Variants in DENND1A observed in about 807,000 individuals in gnomAD.
DENND1A encodes DENN domain containing 1A, also known as DENN domain-containing protein 1A.
In DENND1A, 51 loss-of-function variants were observed where a neutral mutation model predicts 113.7. That is an observed-to-expected ratio of 0.45 (90% confidence interval 0.36 to 0.57). The LOEUF (loss-of-function observed/expected upper bound fraction) is 0.57, where lower values mean the gene tolerates loss of function less well. DENND1A is among the 20% of genes least tolerant of loss of function. The pLI, the probability that DENND1A is intolerant of heterozygous loss-of-function variation, is 0.00. For missense variants in DENND1A, 1,258 were observed against 1,395.9 expected, an observed-to-expected ratio of 0.90 and a Z score of 1.57; for synonymous variants, 565 against 570.8, an observed-to-expected ratio of 0.99 and a Z score of 0.14.
Position 123,382,145 on chromosome 9 carries a change from CG to C in DENND1A, c.2499del (p.Ala835LeufsTer34). On this transcript the variant is annotated frameshift_variant, in exon 24 of 24. Coordinates refer to ENST00000394215, the MANE Select transcript of DENND1A (RefSeq NM_001352964.2). LOFTEE classifies it high-confidence loss of function. ...TELLQPLSPG[P>X]GAAGTSSDAL... ...GCGTCACTGCTCGTGCCTGCAGCCC[CG>C]GGGCCAGGGCTGAGCGGCTGGAGCA... The C allele has an allele frequency of 1.3e-6, 2 of 1,599,700 alleles. No homozygotes were observed. The highest frequency in any genetic ancestry group is 1.7e-6 in the Non-Finnish European group (2 of 1,174,076).
intron 13 of DENND1A, among the ~76,000 whole-genome samples, chr9:123,552,031 G>GAC (rs2057102827): frequency 6.9e-6 from 1 of 143,908 alleles, no homozygotes; most frequent in Non-Finnish European, 1.5e-5. Context: ...GAGAGAGAGA[G>GAC]AGAGAGACAG....
chr9:123,383,875 G>C lies in DENND1A; in HGVS notation c.1799C>G (p.Ala600Gly), dbSNP rs368054934. The C allele has an allele frequency of 1.2e-6, 2 of 1,612,706 alleles. No homozygotes were observed. The highest frequency in any genetic ancestry group is 1.1e-5 in the South Asian group (1 of 91,084). ...PYRTLRESDS[A>G]EGDEAESPEQ... ...TGGACTCTCTGCCTCGTCGCCTTCC[G>C]CGCTGTCTGACTCCCTGAGTGTCCG... is the stretch of plus-strand genomic sequence containing the variant. Residue 600 changes from alanine to glycine, a missense_variant, in exon 23 of 24, where the codon GCG becomes GGG. Transcript: ENST00000394215.
intron 2 of DENND1A, among the ~76,000 whole-genome samples, chr9:123,867,628 C>T (rs1845966860): frequency 6.6e-6 from 1 of 152,186 alleles, no homozygotes; most frequent in African/African-American, 2.4e-5. Context: ...GTTCTCCCTT[C>T]CTCCAGTAAT....
chr9:123,410,332 A>AG (rs895928444), intron 20 of DENND1A, among the ~76,000 whole-genome samples: 29 of 152,204 alleles, frequency 1.9e-4, no homozygotes, highest in African/African-American at 5.8e-4. Context: ...TCAGCCTAGA[A>AG]GGGGCCTCCT....
intron 13 of DENND1A, among the ~76,000 whole-genome samples, chr9:123,507,700 A>G (rs923235612): frequency 6.6e-6 from 1 of 151,226 alleles, no homozygotes; most frequent in Admixed American, 6.6e-5. Flanking sequence ...AAAAAAAAAA[A>G]GAAAATTAGC....
At chr9:123,880,068 A>G (rs1387727948) in intron 1 of DENND1A, among the ~76,000 whole-genome samples, 1 of 152,234 alleles carries the variant, frequency 6.6e-6, no homozygotes, top group African/African-American at 2.4e-5. Flanking sequence ...GCTGAAGTGC[A>G]GTGGCACAAT....
At chr9:123,812,763 T>C (rs561816043) in intron 2 of DENND1A, among the ~76,000 whole-genome samples, 1 of 152,334 alleles carries the variant, frequency 6.6e-6, no homozygotes, top group Non-Finnish European at 1.5e-5. Flanking sequence ...TTTCATCTAA[T>C]ATTTTTTGCC....
chr9:123,686,931 A>G (rs1387728959), intron 5 of DENND1A, among the ~76,000 whole-genome samples: 2 of 152,174 alleles, frequency 1.3e-5, no homozygotes, highest in African/African-American at 4.8e-5. Context: ...CTCTGCTTGA[A>G]TGTTATATCA....
intron 10 of DENND1A, among the ~76,000 whole-genome samples, chr9:123,621,434 C>A (rs2060959588): frequency 6.6e-6 from 1 of 152,124 alleles, no homozygotes; most frequent in South Asian, 2.1e-4. Flanking sequence ...TGATCCACCC[C>A]CTTGGCCTCC....
At chr9:123,813,650 C>T (rs562490993) in intron 2 of DENND1A, among the ~76,000 whole-genome samples, 9 of 152,108 alleles carry the variant, frequency 5.9e-5, no homozygotes, top group Non-Finnish European at 1.0e-4. Context: ...AAAAGATCTG[C>T]GTTCACAATT....
At chr9:123,438,421 C>A (rs2046680010) in intron 19 of DENND1A, among the ~76,000 whole-genome samples, 1 of 152,150 alleles carries the variant, frequency 6.6e-6, no homozygotes. Flanking sequence ...GTAGACCTTT[C>A]CAGAGAAAAT....
intron 13 of DENND1A, among the ~76,000 whole-genome samples, chr9:123,550,774 A>C (rs916050633): frequency 1.3e-5 from 2 of 152,234 alleles, no homozygotes; most frequent in African/African-American, 4.8e-5. Flanking sequence ...CTCTCTAGGA[A>C]GGAGGAATAT....
chr9:123,537,517 A>T (rs57969577), intron 13 of DENND1A, among the ~76,000 whole-genome samples: 24,572 of 151,846 alleles, frequency 0.16, 2,077 homozygotes, highest in Admixed American at 0.2. Context: ...TCAGAACCAA[A>T]GTTAATTCAA....
intron 2 of DENND1A, among the ~76,000 whole-genome samples, chr9:123,853,209 C>T (rs111268219): frequency 0.067 from 10,120 of 151,614 alleles, 462 homozygotes; most frequent in African/African-American, 0.13. Flanking sequence ...TGAGCCACCA[C>T]GCCCAGCCTT....
At chr9:123,607,081 G>A (rs2060187263) in intron 11 of DENND1A, among the ~76,000 whole-genome samples, 1 of 152,134 alleles carries the variant, frequency 6.6e-6, no homozygotes, top group Non-Finnish European at 1.5e-5. Context: ...GAGGCTGGAA[G>A]GCTCCTCCTC....
intron 13 of DENND1A, among the ~76,000 whole-genome samples, chr9:123,484,151 G>C (rs540715317): frequency 6.6e-6 from 1 of 152,292 alleles, no homozygotes; most frequent in African/African-American, 2.4e-5. Flanking sequence ...GCCATGGTGG[G>C]AAACTCTTGT....
intron 11 of DENND1A, among the ~76,000 whole-genome samples, chr9:123,602,838 TTTGTTG>T (rs948883222): frequency 6.6e-6 from 1 of 152,136 alleles, no homozygotes; most frequent in Non-Finnish European, 1.5e-5. Flanking sequence ...CCTGGCTAGT[TTTGTTG>T]TTGTTGTTGT....
At chr9:123,766,981 G>A (rs964624294) in intron 4 of DENND1A, among the ~76,000 whole-genome samples, 3 of 152,120 alleles carry the variant, frequency 2.0e-5, no homozygotes, top group Admixed American at 2.0e-4. Context: ...GAAAAGATCA[G>A]GAAGCTTTCT....
Position 123,401,991 on chromosome 9 carries a change from A to C in DENND1A, c.1631+1411T>G, listed in dbSNP as rs1205132035. On this transcript the variant is annotated intron_variant, in intron 21 of 23. Coordinates refer to ENST00000394215, the MANE Select transcript of DENND1A (RefSeq NM_001352964.2). ...ACCCTGTATCCTGGTACAGTGTCTA[A>C]AAGGTTTAGTCCAGTTTTAAAGAGG... is the stretch of plus-strand genomic sequence containing the variant. 8 of 1,591,092 alleles carry C rather than the reference A, an allele frequency of 5.0e-6. No homozygotes were observed. The African/African-American group carries it at 8.1e-5, about 16-fold the overall frequency.
Sources: gnomAD v4.1 joint callset for allele counts (sites outside exome capture counted in the v4.1 genomes callset) on GRCh38, gnomAD v4.1.1 for gene constraint, MANE v1.5 for transcripts, NCBI Gene and HGNC (gene_info 2026-07-23, HGNC 2026-07-21) for gene names.